ZNF442: variants seen among roughly 807,000 people sequenced by gnomAD.
ZNF442 encodes the protein zinc finger protein 442.
ZNF442 carries 45 observed loss-of-function variants against 57.0 expected under a neutral mutation model. That is an observed-to-expected ratio of 0.79 (90% CI 0.62 to 1.01). ZNF442 has a LOEUF of 1.01. ZNF442 is among the 50% of genes least tolerant of loss of function. ZNF442 has a pLI of 0.00. For synonymous variants in ZNF442, 213 were observed against 241.8 expected (o/e 0.88, Z 1.10); for missense variants, 690 against 756.5 (o/e 0.91, Z 1.03).
At chr19:12,361,420 C>A (rs1209320019) in intron 3 of ZNF442, among the ~76,000 whole-genome samples, 1 of 152,054 alleles carries the variant, frequency 6.6e-6, no homozygotes, top group African/African-American at 2.4e-5. Flanking sequence ...AATTCCCCAC[C>A]CTAAAAAGGA....
rs1406427539 is a variant in ZNF442, at chr19:12,350,610, T to C, written c.975A>G (p.Gln325=). ...CCAGATGATGAAATGCTTTCCCGCA[T>C]TGCTTGCATTCATAGGGTTTCTCTC... ...HTGEKPYECK[Q]CGKAFHHLGS... is the part of the protein sequence containing the mutation. The change falls in exon 6 of 6, where the codon CAA becomes CAG. Residue 325 remains glutamine (Q), a synonymous_variant. Coordinates refer to ENST00000242804, the MANE Select transcript of ZNF442 (RefSeq NM_030824.3). 3.7e-5 allele frequency: 60 copies of C among 1,611,968 alleles called. No individual in the cohort carries two copies. Among genetic ancestry groups the C allele is most frequent in the Non-Finnish European group, 4.7e-5 (56 of 1,179,434 alleles).
In ZNF442 at chr19:12,350,944, C is replaced by T. The variant is rs1969223014; in HGVS notation, c.641G>A (p.Cys214Tyr). The T allele has an allele frequency of 6.2e-7, 1 of 1,614,096 alleles. No homozygotes were observed. Among genetic ancestry groups the T allele is most frequent in the African/African-American group, 1.3e-5 (1 of 74,938 alleles). ...RGGGPYICKL[C>Y]GKAFFWPSLF... Reference sequence around the variant, plus strand: ...ACTAGGCCAAAAAAAGGCTTTCCCACACAACTTACATATATAAGGTCCACC... The same window carrying T: ...ACTAGGCCAAAAAAAGGCTTTCCCATACAACTTACATATATAAGGTCCACC... Residue 214 changes from cysteine (C) to tyrosine (Y), a missense_variant, in exon 6 of 6, where the codon TGT becomes TAT. Coordinates refer to ENST00000242804, the MANE Select transcript of ZNF442 (RefSeq NM_030824.3).
the ZNF442 span, among the ~76,000 whole-genome samples, chr19:12,372,869 G>A: frequency 3.2e-4 from 49 of 152,298 alleles, 1 homozygote; most frequent in East Asian, 8.1e-3. Context: ...TGCCTCTGGG[G>A]TTCAAGCAAT....
chr19:12,352,162 C>A, intron 4 of ZNF442, 92 bp from the exon 5 acceptor site: 1 of 1,216,154 alleles, frequency 8.2e-7, no homozygotes, highest in South Asian at 1.4e-5. Context: ...ATGCATGATT[C>A]ATTCACTGAA....
At chr19:12,356,223 A>G (rs897125445) in intron 3 of ZNF442, among the ~76,000 whole-genome samples, 2 of 152,150 alleles carry the variant, frequency 1.3e-5, no homozygotes, top group African/African-American at 4.8e-5. Context: ...TCTATCTCAA[A>G]AAAAAGTCCA....
chr19:12,353,204 T>G (rs2144819379), intron 3 of ZNF442, 90 bp from the exon 4 acceptor site: 1 of 1,371,630 alleles, frequency 7.3e-7, no homozygotes, highest in Middle Eastern at 1.9e-4. Context: ...ATACTATTAT[T>G]TCTAAGCAAT....
At position 12,352,980 on chromosome 19, in the gene ZNF442, A is replaced by AT; in HGVS notation, c.205+7dup. The AT allele has an allele frequency of 6.3e-7, 1 of 1,595,138 alleles. No individual in the cohort carries two copies. Among genetic ancestry groups the AT allele is most frequent in the Non-Finnish European group, 8.5e-7 (1 of 1,175,052 alleles). ...ATTGACTAAGTGAAGACATAATGTC[A>AT]TTTTTACCTATACAGTCCAGGTTCC... On this transcript the variant is annotated splice_region_variant and intron_variant, in intron 4 of 5. Transcript: ENST00000242804.
the ZNF442 span, among the ~76,000 whole-genome samples, chr19:12,371,369 T>C: frequency 2.0e-5 from 3 of 152,238 alleles, no homozygotes; most frequent in African/African-American, 7.2e-5. Flanking sequence ...ACCATCTTTC[T>C]GTAAGATGCT....
chr19:12,355,506 C>T (rs549842351), intron 3 of ZNF442, among the ~76,000 whole-genome samples: 3 of 149,962 alleles, frequency 2.0e-5, no homozygotes, highest in East Asian at 4.2e-4. Context: ...AGATTACAGG[C>T]GCACACCACA....
upstream of ZNF442, among the ~76,000 whole-genome samples, chr19:12,370,759 G>A (rs1341049139): frequency 6.6e-6 from 1 of 152,006 alleles, no homozygotes; most frequent in Non-Finnish European, 1.5e-5. Context: ...TGAATCACGA[G>A]GTCAGGAGTT....
At chr19:12,358,489 T>C (rs758242444) in intron 3 of ZNF442, among the ~76,000 whole-genome samples, 2 of 152,236 alleles carry the variant, frequency 1.3e-5, no homozygotes, top group East Asian at 1.9e-4. Context: ...AGTGCTGCAA[T>C]ATGCAGATAA....
At chr19:12,359,426 TC>T (rs1237254484) in intron 3 of ZNF442, among the ~76,000 whole-genome samples, 7 of 152,176 alleles carry the variant, frequency 4.6e-5, no homozygotes, top group South Asian at 2.1e-4. Context: ...ATTATGCCCC[TC>T]CCCCCTTCTC....
chr19:12,353,633 C>T (rs1969279913), intron 3 of ZNF442, among the ~76,000 whole-genome samples: 1 of 152,122 alleles, frequency 6.6e-6, no homozygotes, highest in South Asian at 2.1e-4. Flanking sequence ...TCTTCGGGAG[C>T]TTGGAATTTT....
chr19:12,365,935 G>C (rs1397438565), upstream of ZNF442: 1 of 152,526 alleles, frequency 6.6e-6, no homozygotes, highest in Non-Finnish European at 1.5e-5. Flanking sequence ...GTACTCAATG[G>C]GCTCTTCCTG....
At position 12,350,683 on chromosome 19, in the gene ZNF442, G is replaced by C. The variant is rs1354705202; in HGVS notation, c.902C>G (p.Ala301Gly). Residue 301 changes from alanine (A) to glycine (G), a missense_variant, in exon 6 of 6, where the codon GCC (alanine) becomes GGC (glycine). Physicochemically the swap from Ala to Gly is moderately conservative, Grantham distance 60. Transcript: ENST00000242804. Reference sequence around the variant, plus strand: ...TCGAAGGGAACTGGAAACACTGAAGGCTCTTCCACATCGTTTACATTTATA... The same window carrying C: ...TCGAAGGGAACTGGAAACACTGAAGCCTCTTCCACATCGTTTACATTTATA... ...KPYKCKRCGR[A>G]FSVSSSLRIH... The C allele has an allele frequency of 6.2e-6, 10 of 1,613,694 alleles. No individual in the cohort carries two copies. The East Asian group carries it at 2.0e-4, about 32-fold the overall frequency.
chr19:12,361,982 G>C (rs972798634), intron 3 of ZNF442, among the ~76,000 whole-genome samples: 22 of 152,308 alleles, frequency 1.4e-4, no homozygotes, highest in African/African-American at 5.3e-4. Context: ...TCGGCCTCCC[G>C]AGGTGCAGGG....
At chr19:12,364,211 G>C (rs1435807044) in intron 2 of ZNF442, among the ~76,000 whole-genome samples, 1 of 151,990 alleles carries the variant, frequency 6.6e-6, no homozygotes, top group African/African-American at 2.4e-5. Context: ...TTCGAGATGA[G>C]CTTGGCCAAC....
rs541421850 is a variant in ZNF442, at chr19:12,351,970, C to T, written c.266+40G>A. ...TAATTTCCTGTCATCCTAAGAATTGCTCCACAGATATATGTCTTTCTCTTG... is the reference window on the plus strand; with the variant it reads ...TAATTTCCTGTCATCCTAAGAATTGTTCCACAGATATATGTCTTTCTCTTG... On this transcript the variant is annotated intron_variant, in intron 5 of 5. Transcript: ENST00000242804. 555 of 1,577,844 alleles carry T rather than the reference C, an allele frequency of 3.5e-4. 4 individuals carry two copies. The South Asian group carries it at 5.8e-3, about 17-fold the overall frequency.
chr19:12,355,680 A>T (rs1969317072), intron 3 of ZNF442, among the ~76,000 whole-genome samples: 1 of 149,318 alleles, frequency 6.7e-6, no homozygotes, highest in Non-Finnish European at 1.5e-5. Flanking sequence ...TAAGTAAGAA[A>T]ATAAAGGCCG....
Sources: allele counts gnomAD v4.1 joint callset (sites outside exome capture counted in the v4.1 genomes callset), GRCh38; gene constraint gnomAD v4.1.1; transcripts MANE v1.5; gene names NCBI Gene and HGNC (gene_info 2026-07-23, HGNC 2026-07-21).